The following CSMD1 variants were observed in gnomAD, a reference collection of about 807,000 sequenced individuals.
The protein encoded by CSMD1 is CUB and sushi domain-containing protein 1.
Under a neutral mutation model 417.5 loss-of-function variants are expected in CSMD1, and 213 were observed. The ratio of observed to expected loss-of-function variants is 0.51; its 90% CI spans 0.46 to 0.57. CSMD1 has a LOEUF of 0.57. CSMD1 is among the 20% of genes least tolerant of loss of function. The probability of loss-of-function intolerance (pLI) is 0.00; values close to 1 mark genes in which losing one functional copy is unlikely to be tolerated. For synonymous variants in CSMD1, 2,862 were observed against 1,736.8 expected (o/e 1.65, Z -16.11); for missense variants, 6,923 against 4,529.7 (o/e 1.53, Z -15.17).
chr8:4,309,031 G>A (rs983606362), intron 3 of CSMD1, among the ~76,000 whole-genome samples: 2 of 152,016 alleles, frequency 1.3e-5, no homozygotes, highest in African/African-American at 4.8e-5. Flanking sequence ...AATGATTATT[G>A]ATGTCATTCT....
intron 10 of CSMD1, among the ~76,000 whole-genome samples, chr8:3,541,744 TAA>T (rs57111420): frequency 0.05 from 7,488 of 148,408 alleles, 379 homozygotes; most frequent in African/African-American, 0.12. Context: ...AAATATTATA[TAA>T]ATATATATAA....
chr8:3,687,979 C>G (rs569955868), intron 7 of CSMD1, among the ~76,000 whole-genome samples: 31 of 152,288 alleles, frequency 2.0e-4, no homozygotes, highest in Admixed American at 6.5e-4. Flanking sequence ...ATTTGCTTAT[C>G]TGAATTTTAA....
At chr8:4,633,257 GT>G (rs201763174) in intron 2 of CSMD1, among the ~76,000 whole-genome samples, 2 of 150,380 alleles carry the variant, frequency 1.3e-5, no homozygotes, top group Non-Finnish European at 1.5e-5. Context: ...TTGTTTCTTT[GT>G]TTTTTTTTGA....
At chr8:4,114,487 C>A (rs187873308) in intron 3 of CSMD1, among the ~76,000 whole-genome samples, 4 of 152,248 alleles carry the variant, frequency 2.6e-5, no homozygotes, top group South Asian at 4.2e-4. Context: ...TGTCTTCATG[C>A]CAGCTAATAA....
chr8:4,189,557 T>C (rs1798891687), intron 3 of CSMD1, among the ~76,000 whole-genome samples: 1 of 152,172 alleles, frequency 6.6e-6, no homozygotes, highest in Non-Finnish European at 1.5e-5. Flanking sequence ...CAATTATCCC[T>C]CCAAAATGTT....
chr8:4,606,070 G>A (rs1585320394), intron 2 of CSMD1, among the ~76,000 whole-genome samples: 1 of 152,110 alleles, frequency 6.6e-6, no homozygotes, highest in Admixed American at 6.6e-5. Context: ...AGAAGGATGC[G>A]GTGGTGGGAG....
intron 5 of CSMD1, among the ~76,000 whole-genome samples, chr8:3,864,955 T>C (rs1324330995): frequency 6.6e-6 from 1 of 152,240 alleles, no homozygotes; most frequent in African/African-American, 2.4e-5. Flanking sequence ...AACGAGCAGC[T>C]TTTCCTTCCA....
chr8:4,515,296 T>C (rs1803054118), intron 2 of CSMD1, among the ~76,000 whole-genome samples: 1 of 152,192 alleles, frequency 6.6e-6, no homozygotes, highest in Admixed American at 6.5e-5. Context: ...ATGTGGCTCA[T>C]GTACTCAGAG....
chr8:3,339,004 G>C (rs1282959768), intron 23 of CSMD1, among the ~76,000 whole-genome samples: 5 of 99,446 alleles, frequency 5.0e-5, no homozygotes, highest in Admixed American at 1.6e-4. Flanking sequence ...CCCCACAACA[G>C]TCCCCTGAGT....
intron 4 of CSMD1, among the ~76,000 whole-genome samples, chr8:4,023,160 A>C (rs931211118): frequency 6.6e-6 from 1 of 152,162 alleles, no homozygotes; most frequent in Non-Finnish European, 1.5e-5. Context: ...ATCACAACTC[A>C]AGTTCTTCCT....
chr8:3,187,963 G>A lies in CSMD1; in HGVS notation c.5526C>T (p.Ile1842=). ...IIVTEGSGIQ[I]QVISFATEQN... ...GCTCCGTGGCAAAACTGATCACTTG[G>A]ATCTACCAAACCATGACATTAAGTT... Residue 1842 remains isoleucine, a splice_region_variant and synonymous_variant, in exon 36 of 70, where the codon ATC becomes ATT. Transcript: ENST00000635120. 6.2e-7 allele frequency: 1 copy of A among 1,611,522 alleles called. No homozygotes were observed. Among genetic ancestry groups the A allele is most frequent in the Non-Finnish European group, 8.5e-7 (1 of 1,178,902 alleles).
At chr8:3,939,553 A>C (rs1403455671) in intron 5 of CSMD1, among the ~76,000 whole-genome samples, 1 of 152,184 alleles carries the variant, frequency 6.6e-6, no homozygotes, top group Non-Finnish European at 1.5e-5. Flanking sequence ...CATATGAAAA[A>C]GGCACATGCA....
intron 2 of CSMD1, among the ~76,000 whole-genome samples, chr8:4,431,502 C>T (rs1362581761): frequency 2.0e-5 from 3 of 152,010 alleles, no homozygotes; most frequent in Non-Finnish European, 4.4e-5. Context: ...AAGTAGAGAC[C>T]AATTGCTACT....
At chr8:3,569,799 G>T (rs1399852872) in intron 10 of CSMD1, among the ~76,000 whole-genome samples, 1 of 152,140 alleles carries the variant, frequency 6.6e-6, no homozygotes, top group Non-Finnish European at 1.5e-5. Context: ...CTGCTTAATT[G>T]AGATGCCTTC....
intron 6 of CSMD1, among the ~76,000 whole-genome samples, chr8:3,708,773 G>C (rs1039288824): frequency 2.0e-5 from 3 of 152,152 alleles, no homozygotes; most frequent in Non-Finnish European, 4.4e-5. Flanking sequence ...TTTACCACTA[G>C]GAGTGGCAGA....
chr8:4,027,313 G>A (rs1797113422), intron 4 of CSMD1, among the ~76,000 whole-genome samples: 2 of 152,134 alleles, frequency 1.3e-5, no homozygotes, highest in Admixed American at 1.3e-4. Flanking sequence ...TAGAAAGTAG[G>A]ATGATGGTAT....
chr8:4,713,937 G>C (rs956978238), intron 1 of CSMD1, among the ~76,000 whole-genome samples: 4 of 152,084 alleles, frequency 2.6e-5, no homozygotes, highest in African/African-American at 9.7e-5. Context: ...TTGAGGTCAG[G>C]AGTTCAAAAC....
chr8:3,665,599 A>T (rs1271798813), intron 7 of CSMD1, among the ~76,000 whole-genome samples: 6 of 152,182 alleles, frequency 3.9e-5, no homozygotes, highest in Admixed American at 3.9e-4. Context: ...ATATTAACCA[A>T]GTAATTGACT....
At chr8:4,709,827 C>A (rs890084946) in intron 1 of CSMD1, among the ~76,000 whole-genome samples, 2 of 152,064 alleles carry the variant, frequency 1.3e-5, no homozygotes, top group Non-Finnish European at 2.9e-5. Flanking sequence ...AGTGTCCAGT[C>A]GTCCCGCAGA....
Sources: allele counts gnomAD v4.1 joint callset (sites outside exome capture counted in the v4.1 genomes callset), GRCh38; gene constraint gnomAD v4.1.1; transcripts MANE v1.5; gene names NCBI Gene and HGNC (gene_info 2026-07-23, HGNC 2026-07-21).